The following SNTG1 variants were observed in gnomAD, a reference collection of about 807,000 sequenced individuals.
The protein encoded by SNTG1 is syntrophin gamma 1, also known as gamma-1-syntrophin.
A neutral mutation model predicts 74.7 loss-of-function variants in SNTG1; 39 were observed. The observed-to-expected ratio is 0.52, with a 90% CI of 0.40 to 0.68. The LOEUF is 0.68. Among genes scored for constraint, SNTG1 ranks in the 30% least tolerant of loss-of-function variants. SNTG1 has a pLI of 0.00. For missense variants in SNTG1, 685 were observed against 609.5 expected (o/e 1.12, Z -1.30); for synonymous variants, 254 against 217.1 (o/e 1.17, Z -1.49).
intron 3 of SNTG1, 38 bp from the exon 4 acceptor site, chr8:50,402,172 T>C (rs775776341): frequency 9.5e-6 from 15 of 1,577,196 alleles, no homozygotes; most frequent in African/African-American, 1.4e-5. Context: ...AAACTAAGTA[T>C]AATTTTTCCT....
chr8:50,227,821 C>G (rs959959433), intron 2 of SNTG1, among the ~76,000 whole-genome samples: 2 of 150,846 alleles, frequency 1.3e-5, no homozygotes, highest in Non-Finnish European at 3.0e-5. Context: ...CAATTCCTAG[C>G]CAAATTAACA....
At chr8:50,531,663 A>G (rs1035882259) in intron 10 of SNTG1, among the ~76,000 whole-genome samples, 16 of 152,160 alleles carry the variant, frequency 1.1e-4, no homozygotes, top group African/African-American at 3.9e-4. Context: ...GTCAGAGCTC[A>G]CAGGGGTGTT....
chr8:50,677,225 A>C (rs977160450), intron 15 of SNTG1, among the ~76,000 whole-genome samples: 14 of 152,148 alleles, frequency 9.2e-5, no homozygotes, highest in African/African-American at 3.4e-4. Flanking sequence ...ATTTTAATTT[A>C]CTGTAGTAAT....
At chr8:50,639,455 C>G (rs914364191) in intron 13 of SNTG1, among the ~76,000 whole-genome samples, 1 of 151,752 alleles carries the variant, frequency 6.6e-6, no homozygotes, top group Admixed American at 6.6e-5. Flanking sequence ...AAATGTAATG[C>G]CATTTTAGCA....
chr8:50,680,845 A>G lies in SNTG1; in HGVS notation c.1038+22182A>G, dbSNP rs570101263. ...CAGCTTAAAGACTTGCAGACAGTAAATGACCCGCAGGTAAGCAGCCTTCCC... is the reference window on the plus strand; with the variant it reads ...CAGCTTAAAGACTTGCAGACAGTAAGTGACCCGCAGGTAAGCAGCCTTCCC... On this transcript the variant is annotated intron_variant, in intron 15 of 18. Transcript: ENST00000642720. 6.6e-5 allele frequency among the ~76,000 whole-genome samples: 10 copies of G among 152,226 alleles called. No homozygotes were observed. The East Asian group carries it at 1.6e-3, about 24-fold the overall frequency.
At chr8:50,407,656 G>A (rs909762262) in intron 4 of SNTG1, among the ~76,000 whole-genome samples, 1 of 152,134 alleles carries the variant, frequency 6.6e-6, no homozygotes, top group African/African-American at 2.4e-5. Context: ...AGCTCCTCTT[G>A]CCCACTTCAC....
chr8:50,167,525 G>A (rs1002873981), intron 1 of SNTG1, among the ~76,000 whole-genome samples: 16 of 151,588 alleles, frequency 1.1e-4, no homozygotes, highest in South Asian at 6.2e-4. Flanking sequence ...GGCCAAGTGC[G>A]GTAGCTCATG....
chr8:50,481,897 CAG>C (rs1300992265), intron 8 of SNTG1, among the ~76,000 whole-genome samples: 5 of 152,130 alleles, frequency 3.3e-5, no homozygotes, highest in Non-Finnish European at 5.9e-5. Context: ...GTGATTTCTG[CAG>C]AGTCATGGAA....
intron 1 of SNTG1, among the ~76,000 whole-genome samples, chr8:49,993,808 G>T (rs1409095448): frequency 1.3e-5 from 2 of 152,136 alleles, no homozygotes; most frequent in Non-Finnish European, 2.9e-5. Flanking sequence ...GTCTATCATT[G>T]ATGGGATTTT....
At chr8:50,095,419 G>A (rs752563871) in intron 1 of SNTG1, among the ~76,000 whole-genome samples, 7 of 152,160 alleles carry the variant, frequency 4.6e-5, no homozygotes, top group Admixed American at 1.3e-4. Flanking sequence ...CAGTCTCAGC[G>A]TTGCTCAAAA....
intron 1 of SNTG1, among the ~76,000 whole-genome samples, chr8:50,084,722 A>C (rs1348328644): frequency 1.3e-5 from 2 of 152,214 alleles, no homozygotes; most frequent in Non-Finnish European, 2.9e-5. Context: ...TAACACCATA[A>C]AGAGGTGGGG....
chr8:50,585,819 C>T (rs1449368549), intron 12 of SNTG1, among the ~76,000 whole-genome samples: 3 of 151,666 alleles, frequency 2.0e-5, no homozygotes, highest in Non-Finnish European at 4.4e-5. Flanking sequence ...TTTTAATTTG[C>T]TTTATTGATA....
chr8:50,007,953 A>G (rs1342410226), intron 1 of SNTG1, among the ~76,000 whole-genome samples: 1 of 152,056 alleles, frequency 6.6e-6, no homozygotes, highest in Non-Finnish European at 1.5e-5. Flanking sequence ...CAAAGGGGGA[A>G]CTGCAACACA....
intron 8 of SNTG1, among the ~76,000 whole-genome samples, chr8:50,462,451 G>C (rs1276953127): frequency 7.3e-6 from 1 of 136,374 alleles, no homozygotes; most frequent in Admixed American, 7.6e-5. Context: ...CTGAAGGTTG[G>C]GGTGGCTGGG....
rs79507703 is a variant in SNTG1, at chr8:50,628,155, G to A, written c.850-28754G>A. Among the ~76,000 whole-genome samples the A allele has an allele frequency of 5.4e-3, 816 of 152,150 alleles. 13 individuals are homozygous for A. The highest frequency in any genetic ancestry group is 0.019 in the African/African-American group (778 of 41,508). On this transcript the variant is annotated intron_variant, in intron 13 of 18. Coordinates refer to ENST00000642720, the MANE Select transcript of SNTG1 (RefSeq NM_018967.5). ...AAAAGTTCATATTTTCTTTCTTCCA[G>A]AACATTACTATCTTATCATGTTACA... is the stretch of plus-strand genomic sequence containing the variant.
At chr8:50,237,601 A>AT (rs1054855508) in intron 2 of SNTG1, among the ~76,000 whole-genome samples, 14 of 152,198 alleles carry the variant, frequency 9.2e-5, no homozygotes, top group Admixed American at 3.3e-4. Context: ...CAATATAATG[A>AT]TTTTTTTCCT....
intron 2 of SNTG1, among the ~76,000 whole-genome samples, chr8:50,385,986 G>C (rs1003269808): frequency 9.2e-5 from 14 of 152,174 alleles, no homozygotes; most frequent in African/African-American, 3.4e-4. Context: ...TAGTAATAAA[G>C]TCTACAATAT....
intron 17 of SNTG1, among the ~76,000 whole-genome samples, chr8:50,729,207 A>C (rs914841090): frequency 6.6e-6 from 1 of 152,194 alleles, no homozygotes; most frequent in Non-Finnish European, 1.5e-5. Context: ...CTCATCCCTG[A>C]TTCCAGGTGA....
At chr8:50,153,086 TGGA>T (rs1255317956) in intron 1 of SNTG1, among the ~76,000 whole-genome samples, 2 of 152,230 alleles carry the variant, frequency 1.3e-5, no homozygotes. Context: ...CCATATTTCT[TGGA>T]GGCCTTGTTC....
Sources: allele counts gnomAD v4.1 joint callset (sites outside exome capture counted in the v4.1 genomes callset), GRCh38; gene constraint gnomAD v4.1.1; transcripts MANE v1.5; gene names NCBI Gene and HGNC (gene_info 2026-07-23, HGNC 2026-07-21).